ITPKB: variants seen among roughly 807,000 people sequenced by gnomAD.
The protein encoded by ITPKB is IP3 3-kinase B.
In ITPKB, 13 loss-of-function variants were observed where a neutral mutation model predicts 69.4. The observed-to-expected ratio is 0.19, with a 90% CI of 0.12 to 0.30. The LOEUF (loss-of-function observed/expected upper bound fraction) is 0.30, where lower values mean the gene tolerates loss of function less well. Ranked by LOEUF, ITPKB falls within the 10% of genes least tolerant of loss-of-function variation. The pLI is 1.00. For missense variants in ITPKB, 1,240 were observed against 1,250.5 expected (o/e 0.99, Z 0.13); for synonymous variants, 584 against 513.7 (o/e 1.14, Z -1.85).
In ITPKB at chr1:226,736,877, G is replaced by T. The variant is rs751113382; in HGVS notation, c.582C>A (p.Gly194=). The change falls in exon 2 of 8, where the codon GGC becomes GGA. Residue 194 remains glycine (G), a synonymous_variant. Transcript: ENST00000429204. ...TTGTCCTCCGTTCCTCGCTCCGGGC[G>T]CCCTGAACCAGGACCCTTCCAGGGG... ...SQPPGRVLVQ[G]ARSEERRTKS... is the part of the protein sequence containing the mutation. The T allele has an allele frequency of 8.1e-6, 13 of 1,610,658 alleles. No individual in the cohort carries two copies. The highest frequency in any genetic ancestry group is 2.2e-5 in the East Asian group (1 of 44,864).
At chr1:226,719,794 C>G (rs1275175088) in intron 2 of ITPKB, among the ~76,000 whole-genome samples, 1 of 152,182 alleles carries the variant, frequency 6.6e-6, no homozygotes, top group Non-Finnish European at 1.5e-5. Flanking sequence ...TCTGGGTGGC[C>G]TGAGGCATCT....
chr1:226,736,493 G>A lies in ITPKB; in HGVS notation c.966C>T (p.Ala322=), dbSNP rs1164199837. The stretch of plus-strand genomic sequence containing the variant: ...GGGCTCTCCCAGACGGCTCAGTGAG[G>A]GCAAGATCCTGTGGACGGTGTGGCC... ...STGPHRPQDL[A]LTEPSGRARE... is the part of the protein sequence containing the mutation. Residue 322 remains alanine (A), a synonymous_variant, in exon 2 of 8, where the codon GCC becomes GCT. Coordinates refer to ENST00000429204, the MANE Select transcript of ITPKB (RefSeq NM_002221.4). The A allele has an allele frequency of 1.2e-6, 2 of 1,613,966 alleles. No individual in the cohort carries two copies. The highest frequency in any genetic ancestry group is 2.2e-5 in the East Asian group (1 of 44,876).
chr1:226,676,252 G>C (rs1669732974), intron 2 of ITPKB: 1 of 152,212 alleles, frequency 6.6e-6, no homozygotes, highest in African/African-American at 2.4e-5. Context: ...TTGGGATGGT[G>C]AAAGTCAGCC....
Position 226,735,723 on chromosome 1 carries a change from T to A in ITPKB, c.1736A>T (p.Asp579Val). 6.3e-7 allele frequency: 1 copy of A among 1,586,224 alleles called. No homozygotes were observed. Among genetic ancestry groups the A allele is most frequent in the Non-Finnish European group, 8.6e-7 (1 of 1,163,346 alleles). ...VIITDMGTQE[D>V]GALEETQGSP... is the part of the protein sequence containing the mutation. ...TCCCTGCGTCTCCTCCAAGGCCCCA[T>A]CCTCCTGGGTGCCCATGTCTGTAAT... The change falls in exon 2 of 8, where the codon GAT (aspartate) becomes GTT (valine). Residue 579 changes from aspartate to valine, a missense_variant. Coordinates refer to ENST00000429204, the MANE Select transcript of ITPKB (RefSeq NM_002221.4).
intron 2 of ITPKB, chr1:226,707,143 A>G (rs1656821182): frequency 2.4e-6 from 2 of 825,556 alleles, no homozygotes; most frequent in Admixed American, 6.2e-5. Context: ...TAGTAGAATA[A>G]TTCAGAATAA....
intron 2 of ITPKB, among the ~76,000 whole-genome samples, chr1:226,704,182 A>G (rs971077095): frequency 3.3e-5 from 5 of 152,234 alleles, no homozygotes; most frequent in Admixed American, 3.3e-4. Flanking sequence ...AGTATGAAAA[A>G]AGAGTGACTA....
At chr1:226,713,964 G>C (rs1360521598) in intron 2 of ITPKB, among the ~76,000 whole-genome samples, 1 of 152,124 alleles carries the variant, frequency 6.6e-6, no homozygotes, top group Non-Finnish European at 1.5e-5. Flanking sequence ...TCAGATAATT[G>C]ATATTTTTTA....
chr1:226,682,098 A>G (rs1656105487), intron 2 of ITPKB, among the ~76,000 whole-genome samples: 1 of 152,218 alleles, frequency 6.6e-6, no homozygotes, highest in South Asian at 2.1e-4. Flanking sequence ...AGGGCAATGC[A>G]GTGGTCCTTG....
chr1:226,680,045 C>A (rs1298577679), intron 2 of ITPKB, among the ~76,000 whole-genome samples: 1 of 152,184 alleles, frequency 6.6e-6, no homozygotes, highest in African/African-American at 2.4e-5. Context: ...GACCAGCTTA[C>A]GGAACCAACC....
At position 226,735,869 on chromosome 1, in the gene ITPKB, C is replaced by A. The variant is rs1160009083; in HGVS notation, c.1590G>T (p.Gly530=). The change falls in exon 2 of 8, where the codon GGG becomes GGT. Residue 530 remains glycine (G), a synonymous_variant. Coordinates refer to ENST00000429204, the MANE Select transcript of ITPKB (RefSeq NM_002221.4). ...TGTCCTGCCGCTGGCTTTCCCAAGT[C>A]CCCTCTGATTGCACCCCTGTGCCAC... ...WTRGTGVQSE[G]TWESQRQDSD... 9 of 1,607,648 alleles carry A rather than the reference C, an allele frequency of 5.6e-6. No individual in the cohort carries two copies. The highest frequency in any genetic ancestry group is 7.7e-6 in the Non-Finnish European group (9 of 1,174,858).
At chr1:226,707,174 G>A in intron 2 of ITPKB, 2 of 627,798 alleles carry the variant, frequency 3.2e-6, no homozygotes, top group Non-Finnish European at 4.0e-6. Flanking sequence ...GCCAAATAAA[G>A]TACAATCTTT....
At chr1:226,646,038 C>G (rs1484284464) in intron 4 of ITPKB, among the ~76,000 whole-genome samples, 7 of 152,236 alleles carry the variant, frequency 4.6e-5, no homozygotes, top group Admixed American at 4.6e-4. Context: ...GTCTCTGTCT[C>G]TCTCTCTCTC....
intron 2 of ITPKB, chr1:226,674,884 C>CA (rs1669696559): frequency 6.6e-6 from 1 of 152,200 alleles, no homozygotes; most frequent in African/African-American, 2.4e-5. Flanking sequence ...TTCCTGTTTA[C>CA]CCACAAGCGT....
At chr1:226,654,276 AG>A (rs1199905837) in intron 2 of ITPKB, among the ~76,000 whole-genome samples, 1 of 152,192 alleles carries the variant, frequency 6.6e-6, no homozygotes, top group Non-Finnish European at 1.5e-5. Context: ...TGGAGGAGAC[AG>A]GAAGTCAGAG....
At chr1:226,678,638 A>G (rs1655980741) in intron 2 of ITPKB, among the ~76,000 whole-genome samples, 1 of 152,350 alleles carries the variant, frequency 6.6e-6, no homozygotes, top group Non-Finnish European at 1.5e-5. Context: ...GTCTAGCACT[A>G]AACACTACCT....
At chr1:226,653,277 C>A (rs117802933) in intron 2 of ITPKB, among the ~76,000 whole-genome samples, 1 of 152,208 alleles carries the variant, frequency 6.6e-6, no homozygotes, top group African/African-American at 2.4e-5. Flanking sequence ...CACTTCCGTG[C>A]CTATCAACGA....
rs772931431 is a variant in ITPKB at position 226,736,300 on chromosome 1, G to A, written c.1159C>T (p.Pro387Ser). ...TCCTCTGGCCTTTTGCCCACTTCAG[G>A]CTCCCCAGAGCCCGGCATGCCACAG... ...LPCGMPGSGE[P>S]EVGKRPEETT... Residue 387 changes from proline to serine, a missense_variant, in exon 2 of 8, where the codon CCT becomes TCT. Transcript: ENST00000429204. The A allele has an allele frequency of 6.2e-7, 1 of 1,606,210 alleles. No individual in the cohort carries two copies. Among genetic ancestry groups the A allele is most frequent in the South Asian group, 1.1e-5 (1 of 90,194 alleles).
chr1:226,712,889 C>T (rs920660799), intron 2 of ITPKB, among the ~76,000 whole-genome samples: 1 of 152,102 alleles, frequency 6.6e-6, no homozygotes, highest in African/African-American at 2.4e-5. Context: ...TATCAGCAAA[C>T]CACAGGATGG....
At chr1:226,675,127 C>CAAAAAAAA (rs71168989) in intron 2 of ITPKB, 1 of 66,966 alleles carries the variant, frequency 1.5e-5, no homozygotes, top group South Asian at 5.8e-4. Flanking sequence ...TGCTTACAGG[C>CAAAAAAAA]AAAAAAAAAA....
Sources: allele counts gnomAD v4.1 joint callset (sites outside exome capture counted in the v4.1 genomes callset), GRCh38; gene constraint gnomAD v4.1.1; transcripts MANE v1.5; gene names NCBI Gene and HGNC (gene_info 2026-07-23, HGNC 2026-07-21).